Variants in DDB1 observed in about 807,000 individuals in gnomAD.
DDB1 encodes DNA damage-binding protein 1.
A neutral mutation model predicts 133.1 loss-of-function variants in DDB1; 18 were observed. The observed-to-expected ratio is 0.14, with a 90% CI of 0.09 to 0.20. The LOEUF is 0.20. Ranked by LOEUF, DDB1 falls within the 10% of genes least tolerant of loss-of-function variation. The probability of loss-of-function intolerance (pLI) is 1.00; values close to 1 mark genes in which losing one functional copy is unlikely to be tolerated. For synonymous variants in DDB1, 580 were observed against 550.5 expected (o/e 1.05, Z -0.75); for missense variants, 828 against 1,459.2 (o/e 0.57, Z 7.05).
At position 61,325,794 on chromosome 11, in the gene DDB1, C is replaced by A. The variant is rs776730498; in HGVS notation, c.665-86G>T. ...GCAAAAGTACAGGTCTAGTTAGCCC[C>A]AAGGCAAACTTTAAGGTCATCATTA... On this transcript the variant is annotated intron_variant, in intron 5 of 26. Coordinates refer to ENST00000301764, the MANE Select transcript of DDB1 (RefSeq NM_001923.5). 5.9e-6 allele frequency: 6 copies of A among 1,022,784 alleles called. No homozygotes were observed. In the African/African-American group the frequency reaches 7.9e-5, roughly 13 times the overall value. The allele number at this position is 1,022,784 out of a possible 1,614,324, so 63.4% of individuals were successfully genotyped here.
At chr11:61,330,329 C>A (rs1471728279) in intron 2 of DDB1, 2 of 311,368 alleles carry the variant, frequency 6.4e-6, no homozygotes, top group Non-Finnish European at 1.2e-5. Flanking sequence ...CAAACAAAGT[C>A]TTCATCTATT....
At chr11:61,327,096 C>T (rs1173455438) in intron 4 of DDB1, among the ~76,000 whole-genome samples, 1 of 152,136 alleles carries the variant, frequency 6.6e-6, no homozygotes, top group Non-Finnish European at 1.5e-5. Flanking sequence ...CTGAGATCTA[C>T]CATTCTTAAC....
chr11:61,325,512 C>T lies in DDB1; in HGVS notation c.762+99G>A, dbSNP rs1277346442. ...TATACATAGTAAATTGTGTAACAGG[C>T]ATCTGTGAATCTCCTTTTGATAAAT... On this transcript the variant is annotated intron_variant, in intron 6 of 26. Coordinates refer to ENST00000301764, the MANE Select transcript of DDB1 (RefSeq NM_001923.5). 8.6e-6 allele frequency: 8 copies of T among 926,452 alleles called. No individual in the cohort carries two copies. The East Asian group carries it at 1.8e-4, about 21-fold the overall frequency. The allele number at this position is 926,452 out of a possible 1,614,324, so 57.4% of individuals were successfully genotyped here. A position where few individuals can be genotyped will look rare whatever the true frequency, so the allele number is the denominator to read the frequency against.
At chr11:61,324,163 T>G (rs1003921553) in intron 6 of DDB1, 26 bp from the exon 7 acceptor site, 2 of 1,613,354 alleles carry the variant, frequency 1.2e-6, no homozygotes. Context: ...AAACAGTCAT[T>G]AGAGATTCAG....
intron 21 of DDB1, among the ~76,000 whole-genome samples, chr11:61,308,612 G>A (rs2134902070): frequency 6.6e-6 from 1 of 152,292 alleles, no homozygotes; most frequent in Middle Eastern, 3.4e-3. Flanking sequence ...AGCAAGGGAG[G>A]AGGTAGGGTC....
chr11:61,321,994 T>C, intron 9 of DDB1: 1 of 536,980 alleles, frequency 1.9e-6, no homozygotes, highest in Non-Finnish European at 3.3e-6. Context: ...ACCTGCCACT[T>C]ATTAAGTTAG....
At chr11:61,324,435 TACTGA>T (rs1488835293) in intron 6 of DDB1, 5 of 315,848 alleles carry the variant, frequency 1.6e-5, no homozygotes, top group Non-Finnish European at 2.4e-5. Flanking sequence ...TGCCAAAATC[TACTGA>T]ACTATGCATG....
chr11:61,315,252 A>G (rs1306015351), intron 12 of DDB1: 1 of 152,266 alleles, frequency 6.6e-6, no homozygotes, highest in African/African-American at 2.4e-5. Context: ...AAAATTGTAT[A>G]GAAATATATT....
In DDB1 at chr11:61,323,098, G is replaced by C; in HGVS notation, c.922-4C>G. 3 of 1,613,456 alleles carry C rather than the reference G, an allele frequency of 1.9e-6. No individual in the cohort carries two copies. Among genetic ancestry groups the C allele is most frequent in the Non-Finnish European group, 2.5e-6 (3 of 1,179,730 alleles). On this transcript the variant is annotated splice_polypyrimidine_tract_variant and splice_region_variant and intron_variant, in intron 7 of 26. Transcript: ENST00000301764. The stretch of plus-strand genomic sequence containing the variant: ...TCAAGCACTCAGCAATAGAGGTCTG[G>C]AAGAAAGTCAGCAACGTGAAAGAAA...
intron 3 of DDB1, 25 bp from the exon 4 acceptor site, chr11:61,329,609 G>C (rs746997189): frequency 9.5e-6 from 15 of 1,580,350 alleles, no homozygotes; most frequent in Middle Eastern, 1.9e-4. Flanking sequence ...CGGGATTAGG[G>C]AAGAACCTCA....
At chr11:61,328,987 CTT>C (rs1185654102) in intron 4 of DDB1, among the ~76,000 whole-genome samples, 1 of 152,194 alleles carries the variant, frequency 6.6e-6, no homozygotes, top group Non-Finnish European at 1.5e-5. Flanking sequence ...GACAATTTCT[CTT>C]TGCTTAATAT....
rs745650736 is a variant in DDB1, at chr11:61,314,337, C to T, written c.1560G>A (p.Gln520=). 10 of 1,613,608 alleles carry T rather than the reference C, an allele frequency of 6.2e-6. No individual in the cohort carries two copies. The East Asian group carries it at 1.8e-4, about 29-fold the overall frequency. Residue 520 remains glutamine, a synonymous_variant, in exon 13 of 27, where the codon CAG becomes CAA. Coordinates refer to ENST00000301764, the MANE Select transcript of DDB1 (RefSeq NM_001923.5). ...TCTGCCGGAGCTCCTGAGGATGGAT[C>T]TGCAGATAGTAGAGGGCCCTGCCTA... ...VAVGRALYYL[Q]IHPQELRQIS... is the part of the protein sequence containing the mutation.
intron 5 of DDB1, chr11:61,326,234 G>C (rs1050277597): frequency 4.4e-6 from 1 of 228,720 alleles, no homozygotes; most frequent in African/African-American, 2.4e-5. Flanking sequence ...ATCATGGACA[G>C]GCATGGGCAG....
chr11:61,307,168 GTTT>G (rs1231803109), intron 21 of DDB1, among the ~76,000 whole-genome samples: 1 of 152,186 alleles, frequency 6.6e-6, no homozygotes, highest in African/African-American at 2.4e-5. Context: ...ATGCAGCAGT[GTTT>G]CCCAGCTTGA....
At chr11:61,308,686 T>C (rs1382196217) in intron 21 of DDB1, among the ~76,000 whole-genome samples, 4 of 152,220 alleles carry the variant, frequency 2.6e-5, no homozygotes, top group Non-Finnish European at 5.9e-5. Context: ...GATATTCTGA[T>C]TTGGCTCATT....
intron 21 of DDB1, among the ~76,000 whole-genome samples, chr11:61,305,841 T>A (rs142325546): frequency 6.6e-6 from 1 of 152,198 alleles, no homozygotes; most frequent in Non-Finnish European, 1.5e-5. Flanking sequence ...TATGAAACAC[T>A]TGAAATGTGC....
At chr11:61,332,596 A>C in intron 1 of DDB1, 1 of 303,658 alleles carries the variant, frequency 3.3e-6, no homozygotes, top group Non-Finnish European at 6.0e-6. Flanking sequence ...ACAGAAAGCC[A>C]ATCTCCGGGC....
chr11:61,319,429 C>CT (rs746351260), intron 10 of DDB1, among the ~76,000 whole-genome samples: 8 of 150,776 alleles, frequency 5.3e-5, no homozygotes, highest in Non-Finnish European at 8.9e-5. Context: ...TCACTGCTTT[C>CT]TTTTTTTTTC....
chr11:61,315,234 A>G (rs1165161011), intron 12 of DDB1: 1 of 152,230 alleles, frequency 6.6e-6, no homozygotes, highest in Non-Finnish European at 1.5e-5. Flanking sequence ...TTCCTTAGTA[A>G]AGATTACAAA....
Sources: gnomAD v4.1 joint callset for allele counts (sites outside exome capture counted in the v4.1 genomes callset) on GRCh38, gnomAD v4.1.1 for gene constraint, MANE v1.5 for transcripts, NCBI Gene and HGNC (gene_info 2026-07-23, HGNC 2026-07-21) for gene names.